PRKG1: variants seen among roughly 807,000 people sequenced by gnomAD.
PRKG1 encodes the protein protein kinase cGMP-dependent 1.
PRKG1 carries 35 observed loss-of-function variants against 88.1 expected under a neutral mutation model. That is an observed-to-expected ratio of 0.40 (90% CI 0.30 to 0.53). The LOEUF is 0.53. PRKG1 is among the 20% of genes least tolerant of loss of function. The pLI, the probability that PRKG1 is intolerant of heterozygous loss-of-function variation, is 0.59. For synonymous variants in PRKG1, 303 were observed against 292.5 expected (o/e 1.04, Z -0.37); for missense variants, 540 against 839.8 (o/e 0.64, Z 4.41).
At chr10:51,364,872 T>A (rs1842557450) in intron 2 of PRKG1, among the ~76,000 whole-genome samples, 1 of 151,952 alleles carries the variant, frequency 6.6e-6, no homozygotes, top group Non-Finnish European at 1.5e-5. Flanking sequence ...CTATGAAGTC[T>A]GACTCATGTG....
chr10:51,163,501 C>A (rs1206877479), intron 2 of PRKG1, among the ~76,000 whole-genome samples: 2 of 152,104 alleles, frequency 1.3e-5, no homozygotes, highest in Non-Finnish European at 2.9e-5. Flanking sequence ...TCTGAGGTAC[C>A]GGGTTCATCT....
chr10:51,382,773 G>A (rs1837142897), intron 2 of PRKG1, among the ~76,000 whole-genome samples: 1 of 152,146 alleles, frequency 6.6e-6, no homozygotes, highest in Non-Finnish European at 1.5e-5. Context: ...CATTTTCTCA[G>A]CTCCATTTCC....
chr10:51,251,553 A>G (rs1055384164), intron 2 of PRKG1, among the ~76,000 whole-genome samples: 1 of 151,838 alleles, frequency 6.6e-6, no homozygotes, highest in Admixed American at 6.6e-5. Flanking sequence ...AAGTGATCAA[A>G]TGGTAATTGA....
At chr10:51,617,205 A>G (rs558706903) in intron 3 of PRKG1, among the ~76,000 whole-genome samples, 1 of 152,216 alleles carries the variant, frequency 6.6e-6, no homozygotes, top group South Asian at 2.1e-4. Flanking sequence ...CTTCCCTTGC[A>G]TTGAGGAGTA....
At chr10:52,197,181 G>A (rs1250967181) in intron 9 of PRKG1, among the ~76,000 whole-genome samples, 2 of 152,076 alleles carry the variant, frequency 1.3e-5, no homozygotes, top group East Asian at 3.9e-4. Flanking sequence ...TAAGTAATCA[G>A]TGTTAGATCT....
chr10:51,356,543 G>A (rs976056101), intron 2 of PRKG1, among the ~76,000 whole-genome samples: 24 of 151,870 alleles, frequency 1.6e-4, no homozygotes, highest in South Asian at 1.5e-3. Context: ...TGTGCTCCCC[G>A]CTCCTCCACT....
intron 1 of PRKG1, among the ~76,000 whole-genome samples, chr10:50,997,306 A>G (rs1490810033): frequency 3.3e-5 from 5 of 152,140 alleles, no homozygotes; most frequent in African/African-American, 9.7e-5. Flanking sequence ...GCATTTTCCA[A>G]ATGTATTTCT....
At chr10:52,216,729 T>C (rs1319974394) in intron 9 of PRKG1, among the ~76,000 whole-genome samples, 1 of 152,170 alleles carries the variant, frequency 6.6e-6, no homozygotes, top group Non-Finnish European at 1.5e-5. Flanking sequence ...TAGGTTTTGG[T>C]GCGGTTTTTT....
intron 1 of PRKG1, among the ~76,000 whole-genome samples, chr10:51,002,915 A>C (rs1842903628): frequency 6.6e-6 from 1 of 152,238 alleles, no homozygotes; most frequent in South Asian, 2.1e-4. Context: ...ACAGGCAAGA[A>C]GGGAACTTGA....
chr10:51,933,576 G>A (rs1042466651), intron 5 of PRKG1, among the ~76,000 whole-genome samples: 3 of 151,450 alleles, frequency 2.0e-5, no homozygotes, highest in African/African-American at 4.8e-5. Context: ...AGATTTTTAT[G>A]TGAAGTTAGA....
intron 3 of PRKG1, among the ~76,000 whole-genome samples, chr10:51,734,079 A>C (rs536181771): frequency 5.4e-4 from 82 of 152,214 alleles, no homozygotes; most frequent in African/African-American, 1.9e-3. Context: ...TTTAAAAAAA[A>C]ATTATTATTT....
intron 9 of PRKG1, among the ~76,000 whole-genome samples, chr10:52,234,541 G>A (rs999732671): frequency 4.0e-5 from 6 of 149,802 alleles, no homozygotes; most frequent in South Asian, 2.2e-4. Flanking sequence ...GAGCCGATGC[G>A]ATCAACTGGA....
chr10:51,787,245 CA>C (rs1328390126), intron 3 of PRKG1, among the ~76,000 whole-genome samples: 2 of 152,104 alleles, frequency 1.3e-5, no homozygotes, highest in Admixed American at 6.6e-5. Context: ...TGAAAATTGT[CA>C]AATTTTGTTC....
At chr10:51,237,008 G>T (rs149817621) in intron 2 of PRKG1, among the ~76,000 whole-genome samples, 2 of 152,146 alleles carry the variant, frequency 1.3e-5, no homozygotes, top group African/African-American at 4.8e-5. Flanking sequence ...GTTTTGCTCA[G>T]GACTGTTCTG....
At chr10:51,679,559 T>C (rs2132365731) in intron 3 of PRKG1, among the ~76,000 whole-genome samples, 1 of 152,126 alleles carries the variant, frequency 6.6e-6, no homozygotes. Context: ...AGCATAAAGA[T>C]CAAACTCCTT....
chr10:52,103,267 G>T (rs138100196), intron 7 of PRKG1, among the ~76,000 whole-genome samples: 84 of 152,064 alleles, frequency 5.5e-4, no homozygotes, highest in African/African-American at 2.0e-3. Context: ...TTTAGAGAAA[G>T]GAAAAATCAA....
rs140923444 is a variant in PRKG1 at position 51,828,761 on chromosome 10, A to G, written c.698+24071A>G. 3.1e-3 allele frequency among the ~76,000 whole-genome samples: 466 copies of G among 152,330 alleles called. 5 individuals are homozygous for G. Among genetic ancestry groups the G allele is most frequent in the African/African-American group, 0.011 (445 of 41,580 alleles). On this transcript the variant is annotated intron_variant, in intron 4 of 17. Coordinates refer to ENST00000373980, the MANE Select transcript of PRKG1 (RefSeq NM_006258.4). The stretch of plus-strand genomic sequence containing the variant: ...AGACAGATGATAAGGCAGGCATTTA[A>G]TAAGGAAACTAGCTTGGTTACTTCA...
intron 3 of PRKG1, among the ~76,000 whole-genome samples, chr10:51,582,805 G>A (rs1227723112): frequency 6.6e-6 from 1 of 151,992 alleles, no homozygotes; most frequent in East Asian, 1.9e-4. Flanking sequence ...ACCGTCATGG[G>A]TAATTTATTG....
At chr10:51,896,677 A>G (rs1841857290) in intron 4 of PRKG1, among the ~76,000 whole-genome samples, 1 of 147,944 alleles carries the variant, frequency 6.8e-6, no homozygotes, top group South Asian at 2.2e-4. Context: ...AAAAGAAAAG[A>G]TTCTGAGATG....
Sources: allele counts gnomAD v4.1 joint callset (sites outside exome capture counted in the v4.1 genomes callset), GRCh38; gene constraint gnomAD v4.1.1; transcripts MANE v1.5; gene names NCBI Gene and HGNC (gene_info 2026-07-23, HGNC 2026-07-21).